ABCC2: variants seen among roughly 807,000 people sequenced by gnomAD.
ABCC2 encodes ATP binding cassette subfamily C member 2.
ABCC2 carries 157 observed loss-of-function variants against 173.4 expected under a neutral mutation model. The ratio of observed to expected loss-of-function variants is 0.91; its 90% CI spans 0.80 to 1.03. The LOEUF (loss-of-function observed/expected upper bound fraction) is 1.03. Ranked by LOEUF, ABCC2 falls within the 50% of genes least tolerant of loss-of-function variation. The probability of loss-of-function intolerance (pLI) is 0.00; values close to 1 mark genes in which losing one functional copy is unlikely to be tolerated. For synonymous variants in ABCC2, 657 were observed against 693.5 expected, an observed-to-expected ratio of 0.95 and a Z score of 0.83; for missense variants, 1,822 against 1,852.3, an observed-to-expected ratio of 0.98 and a Z score of 0.30.
At chr10:99,802,742 C>T (rs2038033337) in intron 9 of ABCC2, among the ~76,000 whole-genome samples, 1 of 152,138 alleles carries the variant, frequency 6.6e-6, no homozygotes, top group African/African-American at 2.4e-5. Flanking sequence ...TACAAGGTGG[C>T]TCTCCTTCTT....
Position 99,834,517 on chromosome 10 carries a change from T to C in ABCC2, c.3396T>C (p.Ile1132=), listed in dbSNP as rs17216345. The change falls in exon 24 of 32, where the codon ATT becomes ATC. Residue 1132 remains isoleucine, a synonymous_variant. Coordinates refer to ENST00000647814, the MANE Select transcript of ABCC2 (RefSeq NM_000392.5). ...CCATCATCGTCATTCCTCTTGGCAT[T>C]ATTTATGTATCTGTTCAGGTAGGTT... is the stretch of plus-strand genomic sequence containing the variant. ...VFTIIVIPLG[I]IYVSVQMFYV... is the part of the protein sequence containing the mutation. 7,930 of 1,614,172 alleles carry C rather than the reference T, an allele frequency of 4.9e-3. 35 individuals are homozygous for C. Among genetic ancestry groups the C allele is most frequent in the Middle Eastern group, 0.011 (68 of 6,062 alleles).
At chr10:99,830,953 A>G (rs1466649297) in intron 21 of ABCC2, 102 bp downstream of exon 21, 1 of 1,307,080 alleles carries the variant, frequency 7.7e-7, no homozygotes, top group African/African-American at 1.5e-5. Flanking sequence ...CAGGAGCAAT[A>G]TGTCCTCTGT....
At position 99,843,034 on chromosome 10, in the gene ABCC2, C is replaced by G. The variant is rs10450371; in HGVS notation, c.3742-765C>G. Reference sequence around the variant, plus strand: ...TGCCATTGCACTCCAGCCTGGGCAACAGAGCAAGATTCCATCTCAAAAAAA... The same window carrying G: ...TGCCATTGCACTCCAGCCTGGGCAAGAGAGCAAGATTCCATCTCAAAAAAA... On this transcript the variant is annotated intron_variant, in intron 26 of 31. Transcript: ENST00000647814. Among the ~76,000 whole-genome samples the G allele has an allele frequency of 7.6e-3, 1,118 of 147,552 alleles. 15 individuals carry two copies. Among genetic ancestry groups the G allele is most frequent in the African/African-American group, 0.026 (1,037 of 39,916 alleles).
At chr10:99,831,077 C>T (rs544159291) in intron 21 of ABCC2, among the ~76,000 whole-genome samples, 2 of 152,320 alleles carry the variant, frequency 1.3e-5, no homozygotes, top group East Asian at 1.9e-4. Context: ...TCATCCTACA[C>T]TTCATGAGTG....
chr10:99,830,687 G>A (rs1467868187), intron 20 of ABCC2, 29 bp from the exon 21 acceptor site: 2 of 1,613,872 alleles, frequency 1.2e-6, no homozygotes, highest in African/African-American at 2.7e-5. Flanking sequence ...GGAATTGCCT[G>A]CATGCTCAGG....
chr10:99,821,130 G>T (rs552762979), intron 19 of ABCC2, among the ~76,000 whole-genome samples: 1 of 152,326 alleles, frequency 6.6e-6, no homozygotes, highest in East Asian at 1.9e-4. Flanking sequence ...ACAAGGTAAA[G>T]GATTAAGTGC....
rs2038211341 is a variant in ABCC2, at chr10:99,811,445, G to C, written c.1901-91G>C. On this transcript the variant is annotated intron_variant, in intron 14 of 31. Transcript: ENST00000647814. The stretch of plus-strand genomic sequence containing the variant: ...CCAGCACTTAGCAGAAACAATCCTA[G>C]GAGCTGATGGAGAAAGCGGAGAGAG... The C allele has an allele frequency of 3.9e-6, 5 of 1,282,862 alleles. No homozygotes were observed. In the South Asian group the frequency reaches 6.0e-5, roughly 15 times the overall value. 79.5% of individuals were successfully genotyped at this position (1,282,862 alleles called of 1,614,324 possible). A position where few individuals can be genotyped will look rare whatever the true frequency, so the allele number is the denominator to read the frequency against.
At chr10:99,814,467 AT>A (rs143869112) in intron 16 of ABCC2, among the ~76,000 whole-genome samples, 17,252 of 36,976 alleles carry the variant, frequency 0.47, 6,697 homozygotes, top group African/African-American at 0.66. Context: ...ACATACACAC[AT>A]ATGTGTGTAT....
Position 99,797,119 on chromosome 10 carries a change from C to G in ABCC2, c.655C>G (p.Arg219Gly), listed in dbSNP as rs572309746. 16 of 1,614,102 alleles carry G rather than the reference C, an allele frequency of 9.9e-6. No homozygotes were observed. In the East Asian group the frequency reaches 1.1e-4, roughly 11 times the overall value. ...YDSIILKGYK[R>G]PLTLEDVWEV... ...CAGCATCATTCTGAAAGGCTACAAG[C>G]GTCCTCTGACACTCGAGGATGTCTG... The change falls in exon 7 of 32, where the codon CGT becomes GGT. Residue 219 changes from arginine (R) to glycine (G), a missense_variant. Coordinates refer to ENST00000647814, the MANE Select transcript of ABCC2 (RefSeq NM_000392.5).
In ABCC2 at chr10:99,795,896, T is replaced by C. The variant is rs567958094; in HGVS notation, c.633-1201T>C. 6.3e-4 allele frequency among the ~76,000 whole-genome samples: 96 copies of C among 152,330 alleles called. 1 individual carries two copies. In the South Asian group the frequency reaches 0.013, roughly 20 times the overall value. ...GGTTTACAACTGTAATCCTAGCACT[T>C]TGGGAAGCCAAGGCAGGAAGATCAC... On this transcript the variant is annotated intron_variant, in intron 6 of 31. Transcript: ENST00000647814.
Position 99,808,209 on chromosome 10 carries a change from A to T in ABCC2, c.1795A>T (p.Met599Leu). 6.2e-7 allele frequency: 1 copy of T among 1,614,028 alleles called. No homozygotes were observed. Among genetic ancestry groups the T allele is most frequent in the Non-Finnish European group, 8.5e-7 (1 of 1,179,990 alleles). ...CTTTCCCCTGAGCATGCTTCCCATG[A>T]TGATCTCCTCCATGCTCCAGGTAGG... ...LRFPLSMLPM[M>L]ISSMLQASVS... Residue 599 changes from methionine to leucine, a missense_variant, in exon 13 of 32, where the codon ATG (methionine) becomes TTG (leucine). By Grantham distance (15) the Met-to-Leu change is conservative. Coordinates refer to ENST00000647814, the MANE Select transcript of ABCC2 (RefSeq NM_000392.5).
intron 13 of ABCC2, among the ~76,000 whole-genome samples, chr10:99,809,012 G>A (rs1424962574): frequency 1.3e-5 from 2 of 152,218 alleles, no homozygotes; most frequent in Admixed American, 6.5e-5. Context: ...AGCAAGATCA[G>A]CAAAGGTATC....
chr10:99,811,641 T>G (rs772296675), intron 15 of ABCC2, 39 bp downstream of exon 15: 1 of 1,605,724 alleles, frequency 6.2e-7, no homozygotes, highest in South Asian at 1.1e-5. Flanking sequence ...TCTTTAGCAT[T>G]CTCACTGCCT....
intron 19 of ABCC2, among the ~76,000 whole-genome samples, chr10:99,829,192 G>C (rs2038695345): frequency 6.6e-6 from 1 of 152,118 alleles, no homozygotes; most frequent in Non-Finnish European, 1.5e-5. Context: ...TCCAGGGATG[G>C]GGTTTTTGGG....
chr10:99,832,421 G>T (rs1490073971), intron 23 of ABCC2, among the ~76,000 whole-genome samples: 1 of 150,460 alleles, frequency 6.6e-6, no homozygotes, highest in Non-Finnish European at 1.5e-5. Flanking sequence ...GTAGAAAGGT[G>T]GTCTGGGAGT....
At chr10:99,843,288 G>A (rs1360283374) in intron 26 of ABCC2, among the ~76,000 whole-genome samples, 2 of 152,194 alleles carry the variant, frequency 1.3e-5, no homozygotes, top group Non-Finnish European at 2.9e-5. Context: ...ACACAAAGTG[G>A]ATACTCTGAG....
intron 20 of ABCC2, 111 bp from the exon 21 acceptor site, chr10:99,830,605 T>C: frequency 6.3e-7 from 1 of 1,576,878 alleles, no homozygotes; most frequent in South Asian, 1.1e-5. Context: ...CAGTTTCCCC[T>C]GGTCATCTGC....
chr10:99,793,555 T>C lies in ABCC2; in HGVS notation c.338T>C (p.Leu113Pro), dbSNP rs200755148. The C allele has an allele frequency of 6.8e-6, 11 of 1,614,142 alleles. No homozygotes were observed. In the East Asian group the frequency reaches 2.5e-4, roughly 36 times the overall value. Reference protein sequence around the residue: ...NPSLYLGTWLLVLLIQYSRQW... With the variant: ...NPSLYLGTWLPVLLIQYSRQW... ...ATCATGTGAATTTCTCTCCAGCTCC[T>C]GGTTTTGCTGATCCAATACAGCAGA... The change falls in exon 4 of 32, where the codon CTG (leucine) becomes CCG (proline). Residue 113 changes from leucine (L) to proline (P), a missense_variant. Transcript: ENST00000647814.
In ABCC2 at chr10:99,815,356, C is replaced by T. The variant is rs117980059; in HGVS notation, c.2095-1952C>T. 2.7e-3 allele frequency among the ~76,000 whole-genome samples: 408 copies of T among 152,084 alleles called. 3 individuals are homozygous for T. The highest frequency in any genetic ancestry group is 4.0e-3 in the Non-Finnish European group (269 of 68,008). On this transcript the variant is annotated intron_variant, in intron 16 of 31. Coordinates refer to ENST00000647814, the MANE Select transcript of ABCC2 (RefSeq NM_000392.5). ...TATCCAGTCTATCATTGATGATGCC[C>T]GGCTAATTTTTGTACTTTTAGTAGA...
Sources: gnomAD v4.1 joint callset for allele counts (sites outside exome capture counted in the v4.1 genomes callset) on GRCh38, gnomAD v4.1.1 for gene constraint, MANE v1.5 for transcripts, NCBI Gene and HGNC (gene_info 2026-07-23, HGNC 2026-07-21) for gene names.